The following KIAA1549L variants were observed in gnomAD, a reference collection of about 807,000 sequenced individuals.
KIAA1549L encodes KIAA1549 like.
In KIAA1549L, 88 loss-of-function variants were observed where a neutral mutation model predicts 160.7. That is an observed-to-expected ratio of 0.55 (90% CI 0.46 to 0.65). The LOEUF (loss-of-function observed/expected upper bound fraction) is 0.65. Ranked by LOEUF, KIAA1549L falls within the 30% of genes least tolerant of loss-of-function variation. The pLI, the probability that KIAA1549L is intolerant of heterozygous loss-of-function variation, is 0.00. For synonymous variants in KIAA1549L, 950 were observed against 976.7 expected (o/e 0.97, Z 0.51); for missense variants, 2,258 against 2,437.5 (o/e 0.93, Z 1.55).
intron 1 of KIAA1549L, among the ~76,000 whole-genome samples, chr11:33,523,349 T>C (rs1471013659): frequency 6.6e-6 from 1 of 152,252 alleles, no homozygotes; most frequent in African/African-American, 2.4e-5. Flanking sequence ...TGTATGCGTA[T>C]GCCCTGTGAA....
chr11:33,496,346 G>A (rs1852819473), intron 1 of KIAA1549L, among the ~76,000 whole-genome samples: 1 of 152,182 alleles, frequency 6.6e-6, no homozygotes, highest in African/African-American at 2.4e-5. Flanking sequence ...ATCTATGAAG[G>A]TAGGGGCTTA....
intron 1 of KIAA1549L, among the ~76,000 whole-genome samples, chr11:33,402,816 C>A (rs187315729): frequency 2.0e-5 from 3 of 151,046 alleles, no homozygotes; most frequent in Non-Finnish European, 2.9e-5. Context: ...TGCCACCCCC[C>A]CTAGCTTCCG....
At chr11:33,494,845 G>A (rs1343183185) in intron 1 of KIAA1549L, among the ~76,000 whole-genome samples, 2 of 152,194 alleles carry the variant, frequency 1.3e-5, no homozygotes, top group African/African-American at 2.4e-5. Flanking sequence ...TGAGAAGAAC[G>A]ATTTGTCTTT....
At chr11:33,611,357 A>G (rs916028980) in intron 15 of KIAA1549L, among the ~76,000 whole-genome samples, 9 of 152,202 alleles carry the variant, frequency 5.9e-5, no homozygotes, top group African/African-American at 2.2e-4. Context: ...AAAAGCAAAA[A>G]TGACTTTGTG....
intron 12 of KIAA1549L, among the ~76,000 whole-genome samples, chr11:33,595,385 C>T (rs1421010249): frequency 6.6e-6 from 1 of 152,134 alleles, no homozygotes; most frequent in East Asian, 1.9e-4. Flanking sequence ...TGCCACCATG[C>T]CTGGCTAATT....
chr11:33,471,510 C>T (rs1852177540), intron 1 of KIAA1549L, among the ~76,000 whole-genome samples: 2 of 152,284 alleles, frequency 1.3e-5, no homozygotes, highest in Admixed American at 1.3e-4. Context: ...CATTCCAGAT[C>T]TCCCTATTCC....
chr11:33,671,567 A>G lies in KIAA1549L; in HGVS notation c.*3413A>G, dbSNP rs1852674255. 7.2e-6 allele frequency: 1 copy of G among 138,182 alleles called. No homozygotes were observed. Among genetic ancestry groups the G allele is most frequent in the Admixed American group, 7.3e-5 (1 of 13,638 alleles). 8.6% of individuals were successfully genotyped at this position (138,182 alleles called of 1,614,324 possible). A position where few individuals can be genotyped will look rare whatever the true frequency, so the allele number is the denominator to read the frequency against. ...GTAATCTTGATGGAAGAAAGGAAAT[A>G]GATCTGTGATTAAAACACACACACA... On this transcript the variant is annotated 3_prime_UTR_variant, in exon 21 of 21. Transcript: ENST00000658780.
At chr11:33,381,461 T>C (rs1850072483) in intron 1 of KIAA1549L, among the ~76,000 whole-genome samples, 1 of 152,078 alleles carries the variant, frequency 6.6e-6, no homozygotes, top group African/African-American at 2.4e-5. Flanking sequence ...GCTTGCGTTG[T>C]TTGAGGAAGA....
chr11:33,630,007 A>G (rs541014609), intron 16 of KIAA1549L, among the ~76,000 whole-genome samples: 3 of 152,084 alleles, frequency 2.0e-5, no homozygotes, highest in Non-Finnish European at 4.4e-5. Context: ...CTTCTAACAG[A>G]CAGGACGCTC....
intron 1 of KIAA1549L, among the ~76,000 whole-genome samples, chr11:33,516,963 A>G (rs772222960): frequency 6.6e-6 from 1 of 152,194 alleles, no homozygotes; most frequent in Non-Finnish European, 1.5e-5. Context: ...AATGTGCCTA[A>G]TTGCTATTAC....
intron 1 of KIAA1549L, among the ~76,000 whole-genome samples, chr11:33,404,624 C>T (rs1174238190): frequency 6.6e-6 from 1 of 151,880 alleles, no homozygotes; most frequent in Non-Finnish European, 1.5e-5. Context: ...AGATGAAGGT[C>T]GTGAATAGAC....
At chr11:33,435,960 C>A (rs1216444326) in intron 1 of KIAA1549L, among the ~76,000 whole-genome samples, 9 of 90,706 alleles carry the variant, frequency 9.9e-5, no homozygotes, top group South Asian at 3.6e-4. Flanking sequence ...GCTAAAATAT[C>A]TAAAAAAAAA....
At chr11:33,647,476 G>A (rs1851758119) in intron 17 of KIAA1549L, among the ~76,000 whole-genome samples, 1 of 151,550 alleles carries the variant, frequency 6.6e-6, no homozygotes, top group African/African-American at 2.4e-5. Flanking sequence ...GAAAGCTTCT[G>A]TAATTTACAC....
At chr11:33,433,075 T>C (rs552028704) in intron 1 of KIAA1549L, among the ~76,000 whole-genome samples, 1 of 152,238 alleles carries the variant, frequency 6.6e-6, no homozygotes, top group East Asian at 1.9e-4. Flanking sequence ...AAAGCCAAAA[T>C]TGACAAATGG....
In KIAA1549L at chr11:33,543,284, A is replaced by G; in HGVS notation, c.1721A>G (p.Glu574Gly). 1.9e-6 allele frequency: 3 copies of G among 1,614,058 alleles called. No individual in the cohort carries two copies. The South Asian group carries it at 3.3e-5, about 18-fold the overall frequency. The part of the protein sequence containing the change: ...SVTAILGKNE[E>G]ANVTIPLQAF... ...ACAGCCATTTTAGGGAAGAATGAAG[A>G]GGCAAATGTGACGATTCCTCTCCAG... The change falls in exon 2 of 21, where the codon GAG becomes GGG. Residue 574 changes from glutamate (E) to glycine (G), a missense_variant. By Grantham distance (98) the Glu-to-Gly change is moderately conservative (BLOSUM62 -2). Around this residue, in one of 6 missense-constraint regions of KIAA1549L, gnomAD observed 540 missense variants for 465.7 expected, o/e 1.16. Coordinates refer to ENST00000658780, the MANE Select transcript of KIAA1549L (RefSeq NM_012194.3).
intron 1 of KIAA1549L, among the ~76,000 whole-genome samples, chr11:33,440,120 C>CT (rs201551936): frequency 0.046 from 3,787 of 83,086 alleles, 922 homozygotes; most frequent in African/African-American, 0.083. Flanking sequence ...TATTTTGTTT[C>CT]TTTTTTTTTT....
chr11:33,472,275 CTTT>C (rs76771436), intron 1 of KIAA1549L, among the ~76,000 whole-genome samples: 5 of 102,776 alleles, frequency 4.9e-5, no homozygotes, highest in Admixed American at 1.0e-4. Flanking sequence ...TCATGCCTGG[CTTT>C]TTTTTTTTTT....
chr11:33,658,788 A>C lies in KIAA1549L; in HGVS notation c.5897A>C (p.Glu1966Ala), dbSNP rs767535764. The C allele has an allele frequency of 6.4e-7, 1 of 1,570,374 alleles. No individual in the cohort carries two copies. Among genetic ancestry groups the C allele is most frequent in the Non-Finnish European group, 8.6e-7 (1 of 1,158,550 alleles). The change falls in exon 19 of 21, where the codon GAG becomes GCG. Residue 1966 changes from glutamate to alanine, a missense_variant. Physicochemically the swap from Glu to Ala is moderately radical, Grantham distance 107 (BLOSUM62 -1). This residue lies in a region of KIAA1549L where 1,359 missense variants were observed against 1,546.6 expected (regional missense o/e 0.88). Coordinates refer to ENST00000658780, the MANE Select transcript of KIAA1549L (RefSeq NM_012194.3). ...SDIGSKTRMA[E>A]STGPEPAQLH... Reference sequence around the variant, plus strand: ...ATCGGCAGCAAGACCAGAATGGCCGAGTCTACAGGGCCCGAGCCGGCCCAG... The same window carrying C: ...ATCGGCAGCAAGACCAGAATGGCCGCGTCTACAGGGCCCGAGCCGGCCCAG...
chr11:33,560,783 A>G (rs1335490718), intron 7 of KIAA1549L, among the ~76,000 whole-genome samples: 1 of 152,222 alleles, frequency 6.6e-6, no homozygotes, highest in East Asian at 1.9e-4. Flanking sequence ...GATACTGTAA[A>G]TAAACAAGAT....
Sources: gnomAD v4.1 joint callset for allele counts (sites outside exome capture counted in the v4.1 genomes callset) on GRCh38, gnomAD v4.1.1 for gene constraint, gnomAD v4.1.1 regional missense constraint, MANE v1.5 for transcripts, NCBI Gene and HGNC (gene_info 2026-07-23, HGNC 2026-07-21) for gene names.